Variants in ELF1 observed in about 807,000 individuals in gnomAD.
ELF1 encodes E74 like ETS transcription factor 1.
In ELF1, 24 loss-of-function variants were observed where a neutral mutation model predicts 59.9. The observed-to-expected ratio is 0.40, with a 90% CI of 0.29 to 0.56. The LOEUF is 0.56. ELF1 is among the 20% of genes least tolerant of loss of function. The pLI is 0.44. For missense variants in ELF1, 627 were observed against 742.2 expected, an observed-to-expected ratio of 0.84 and a Z score of 1.80; for synonymous variants, 248 against 266.2, an observed-to-expected ratio of 0.93 and a Z score of 0.67.
At chr13:40,935,355 G>A (rs1299730011) in intron 8 of ELF1, among the ~76,000 whole-genome samples, 3 of 152,068 alleles carry the variant, frequency 2.0e-5, no homozygotes, top group Non-Finnish European at 4.4e-5. Context: ...TAAACCAAGC[G>A]TTAAATATTA....
intron 2 of ELF1, among the ~76,000 whole-genome samples, chr13:40,972,492 T>C (rs1872621366): frequency 6.6e-6 from 1 of 152,178 alleles, no homozygotes; most frequent in African/African-American, 2.4e-5. Flanking sequence ...TTTGTATAAC[T>C]GGTATGCAAG....
At chr13:41,051,044 A>T (rs1566201181) in intron 1 of ELF1, among the ~76,000 whole-genome samples, 1 of 152,166 alleles carries the variant, frequency 6.6e-6, no homozygotes, top group Non-Finnish European at 1.5e-5. Flanking sequence ...TTTCATATAA[A>T]CTTTATGTGC....
chr13:40,943,213 A>C, intron 6 of ELF1, 69 bp from the exon 7 acceptor site: 1 of 1,355,986 alleles, frequency 7.4e-7, no homozygotes, highest in Non-Finnish European at 9.8e-7. Context: ...AAAGACAACT[A>C]AAAGTCTTAG....
chr13:41,051,512 T>C (rs1252462291), intron 1 of ELF1, among the ~76,000 whole-genome samples: 1 of 151,944 alleles, frequency 6.6e-6, no homozygotes, highest in African/African-American at 2.4e-5. Context: ...CCTTGAAAAG[T>C]TGAATTAAAT....
chr13:40,943,683 T>C lies in ELF1; in HGVS notation c.613+159A>G, dbSNP rs75324769. On this transcript the variant is annotated intron_variant, in intron 6 of 8. Coordinates refer to ENST00000239882, the MANE Select transcript of ELF1 (RefSeq NM_172373.4). The stretch of plus-strand genomic sequence containing the variant: ...AAACGAGTTTCTTGGTCTACTTTAC[T>C]ATCAGTTTTAAGAATTTGGCAAATG... 1.3e-3 allele frequency among the ~76,000 whole-genome samples: 202 copies of C among 152,328 alleles called. 1 individual carries two copies. The highest frequency in any genetic ancestry group is 0.013 in the East Asian group (68 of 5,192).
chr13:41,046,479 G>A (rs1876852834), intron 1 of ELF1, among the ~76,000 whole-genome samples: 1 of 152,166 alleles, frequency 6.6e-6, no homozygotes, highest in African/African-American at 2.4e-5. Context: ...GCGCAGGCCT[G>A]GTGGTGACAA....
chr13:41,060,067 C>T (rs1877449740), intron 1 of ELF1, among the ~76,000 whole-genome samples: 2 of 152,224 alleles, frequency 1.3e-5, no homozygotes, highest in South Asian at 4.1e-4. Flanking sequence ...GCGACCAGCG[C>T]CCCTTAAGTC....
intron 4 of ELF1, among the ~76,000 whole-genome samples, chr13:40,950,673 C>T (rs1282198138): frequency 6.6e-6 from 1 of 152,122 alleles, no homozygotes; most frequent in Admixed American, 6.6e-5. Flanking sequence ...TAGAGCAATT[C>T]GCTATCACTC....
chr13:41,002,641 C>A (rs1191347659), intron 1 of ELF1, among the ~76,000 whole-genome samples: 3 of 147,000 alleles, frequency 2.0e-5, no homozygotes, highest in Non-Finnish European at 4.5e-5. Flanking sequence ...ATAAATAAAT[C>A]AGTGTCGTCT....
intron 2 of ELF1, among the ~76,000 whole-genome samples, chr13:40,973,062 T>C (rs1245038064): frequency 6.6e-6 from 1 of 152,162 alleles, no homozygotes; most frequent in Non-Finnish European, 1.5e-5. Context: ...ATTTTGCATA[T>C]GCCACAAAAT....
chr13:40,948,822 G>A (rs993361201), intron 5 of ELF1, among the ~76,000 whole-genome samples: 6 of 152,096 alleles, frequency 3.9e-5, no homozygotes, highest in East Asian at 3.8e-4. Flanking sequence ...TGGAATCACC[G>A]GTACAGACTG....
intron 1 of ELF1, among the ~76,000 whole-genome samples, chr13:41,035,998 G>A (rs374227556): frequency 2.0e-5 from 3 of 150,876 alleles, no homozygotes; most frequent in East Asian, 1.9e-4. Flanking sequence ...TCCACTTTCC[G>A]GGTTCACGCC....
Position 40,933,455 on chromosome 13 carries a change from T to C in ELF1, c.1830A>G (p.Gln610=). Residue 610 remains glutamine (Q), a synonymous_variant, in exon 9 of 9, where the codon CAA becomes CAG. Coordinates refer to ENST00000239882, the MANE Select transcript of ELF1 (RefSeq NM_172373.4). The part of the protein sequence containing the change: ...NGFTSQVAMK[Q]NELLEPNSF The stretch of plus-strand genomic sequence containing the variant: ...AAGAGTTGGGTTCCAGCAGTTCGTT[T>C]TGTTTCATAGCTACCTGAGAAGTAA... The C allele has an allele frequency of 6.2e-7, 1 of 1,613,780 alleles. No homozygotes were observed. The highest frequency in any genetic ancestry group is 8.5e-7 in the Non-Finnish European group (1 of 1,179,836).
intron 2 of ELF1, among the ~76,000 whole-genome samples, chr13:40,973,514 G>A (rs913602636): frequency 6.6e-6 from 1 of 152,072 alleles, no homozygotes; most frequent in African/African-American, 2.4e-5. Flanking sequence ...TGTGCTATGT[G>A]TTCACTGAAA....
rs56310760 is a variant in ELF1, at chr13:41,032,849, TAAA to T, written c.-229+27986_-229+27988del. Among the ~76,000 whole-genome samples the T allele has an allele frequency of 8.1e-5, 11 of 135,428 alleles. No individual in the cohort carries two copies. In the South Asian group the frequency reaches 1.2e-3, roughly 15 times the overall value. 88.8% of individuals were successfully genotyped at this position (135,428 alleles called of 152,430 possible). On this transcript the variant is annotated intron_variant, in intron 1 of 1. Transcript: ENST00000405737. ...GGGTGACAGAGCAAGACCTTGTTTCTAAAAAAAAAAAAAAAACAAACCAAAGAA... is the reference window on the plus strand; with the variant it reads ...GGGTGACAGAGCAAGACCTTGTTTCTAAAAAAAAAAAAACAAACCAAAGAA...
chr13:40,974,195 G>GT (rs11310588), intron 2 of ELF1, among the ~76,000 whole-genome samples: 1 of 151,908 alleles, frequency 6.6e-6, no homozygotes, highest in African/African-American at 2.4e-5. Context: ...CAATAAAGCT[G>GT]TTTTTTTTAA....
At position 41,019,215 on chromosome 13, in the gene ELF1, T is replaced by C; in HGVS notation, c.-229+13A>G. On this transcript the variant is annotated intron_variant, in intron 1 of 8. Coordinates refer to ENST00000239882, the MANE Select transcript of ELF1 (RefSeq NM_172373.4). ...AAAGCCAGAAGCAAACATACAAAAT[T>C]GTAACAAGTTACCTTCAAGTATTCT... 1 of 985,460 alleles carries C rather than the reference T, an allele frequency of 1.0e-6. No homozygotes were observed. Among genetic ancestry groups the C allele is most frequent in the Non-Finnish European group, 1.2e-6 (1 of 829,934 alleles). 61.0% of individuals were successfully genotyped at this position (985,460 alleles called of 1,614,324 possible).
chr13:41,007,339 A>ACTTT (rs1309162167), intron 1 of ELF1, among the ~76,000 whole-genome samples: 1 of 152,206 alleles, frequency 6.6e-6, no homozygotes, highest in Non-Finnish European at 1.5e-5. Context: ...GAAGAACACA[A>ACTTT]CGGGAAAATG....
chr13:40,957,747 A>T (rs1013331499), intron 3 of ELF1, among the ~76,000 whole-genome samples: 4 of 152,226 alleles, frequency 2.6e-5, no homozygotes, highest in Non-Finnish European at 5.9e-5. Flanking sequence ...TAGCAATGTG[A>T]GAAGTGACTA....
Sources: gnomAD v4.1 joint callset for allele counts (sites outside exome capture counted in the v4.1 genomes callset) on GRCh38, gnomAD v4.1.1 for gene constraint, MANE v1.5 for transcripts, NCBI Gene and HGNC (gene_info 2026-07-23, HGNC 2026-07-21) for gene names.